The following CERS6 variants were observed in gnomAD, a reference collection of about 807,000 sequenced individuals.
CERS6 encodes the protein LAG1 homolog, ceramide synthase 6.
CERS6 carries 26 observed loss-of-function variants against 56.8 expected under a neutral mutation model. The observed-to-expected ratio is 0.46, with a 90% CI of 0.34 to 0.63. The LOEUF (loss-of-function observed/expected upper bound fraction) is 0.63, where lower values mean the gene tolerates loss of function less well. CERS6 is among the 30% of genes least tolerant of loss of function. CERS6 has a pLI of 0.01. For synonymous variants in CERS6, 164 were observed against 173.3 expected (o/e 0.95, Z 0.42); for missense variants, 415 against 467.5 (o/e 0.89, Z 1.04).
At position 168,640,171 on chromosome 2, in the gene CERS6, C is replaced by T. The variant is rs772352975; in HGVS notation, c.465+9129C>T. Among the ~76,000 whole-genome samples, 4 of 152,204 alleles carry T rather than the reference C, an allele frequency of 2.6e-5. No individual in the cohort carries two copies. In the East Asian group the frequency reaches 5.8e-4, roughly 22 times the overall value. ...CTGGAGTGAGTGCTGGCAATGTTCT[C>T]GATATGGATAGTGATGTAAGTATTT... is the stretch of plus-strand genomic sequence containing the variant. On this transcript the variant is annotated intron_variant, in intron 4 of 9. Transcript: ENST00000305747.
intron 2 of CERS6, among the ~76,000 whole-genome samples, chr2:168,553,723 T>C (rs964610748): frequency 1.3e-5 from 2 of 152,172 alleles, no homozygotes; most frequent in Admixed American, 1.3e-4. Context: ...AGAGATCACT[T>C]GGAATGTTTG....
Position 168,765,742 on chromosome 2 carries a change from A to T in CERS6, c.996A>T (p.Arg332Ser), listed in dbSNP as rs2105466289. 3.1e-6 allele frequency: 5 copies of T among 1,610,320 alleles called. No individual in the cohort carries two copies. The highest frequency in any genetic ancestry group is 2.2e-5 in the East Asian group (1 of 44,826). The change falls in exon 9 of 10, where the codon AGA (arginine) becomes AGT (serine). Residue 332 changes from arginine (R) to serine (S), a missense_variant. Coordinates refer to ENST00000305747, the MANE Select transcript of CERS6 (RefSeq NM_203463.3). ...IVKIACKAVS[R>S]GKVSKDDRSD... ...AAATAGCTTGCAAAGCTGTTTCAAG[A>T]GGCAAGGTAAGCTACAACTCACTTT...
chr2:168,586,951 A>G (rs1683558302), intron 3 of CERS6, among the ~76,000 whole-genome samples: 1 of 152,132 alleles, frequency 6.6e-6, no homozygotes, highest in Admixed American at 6.5e-5. Flanking sequence ...TGGGCGGATT[A>G]CCTGAGGTCA....
At chr2:168,497,998 C>G (rs1435482743) in intron 1 of CERS6, among the ~76,000 whole-genome samples, 1 of 152,090 alleles carries the variant, frequency 6.6e-6, no homozygotes, top group Non-Finnish European at 1.5e-5. Context: ...ACTCCTGATA[C>G]CAAGCCTCCT....
rs571133816 is a variant in CERS6 at position 168,502,262 on chromosome 2, C to T, written c.171-45334C>T. ...TTTGGACCTTCCTATAATTTTGTCT[C>T]GGGGGTTGAAAGAACAATTTTGTTT... On this transcript the variant is annotated intron_variant, in intron 1 of 9. Transcript: ENST00000305747. Among the ~76,000 whole-genome samples, 18 of 151,922 alleles carry T rather than the reference C, an allele frequency of 1.2e-4. No individual in the cohort carries two copies. The East Asian group carries it at 2.7e-3, about 23-fold the overall frequency.
intron 1 of CERS6, among the ~76,000 whole-genome samples, chr2:168,461,107 T>C (rs2105316605): frequency 6.6e-6 from 1 of 152,252 alleles, no homozygotes; most frequent in South Asian, 2.1e-4. Context: ...TGAAGGAATT[T>C]GTTCCTCAGT....
rs183968978 is a variant in CERS6 at position 168,597,516 on chromosome 2, G to A, written c.408-33469G>A. Reference sequence around the variant, plus strand: ...GTCTGCCTTACAGGGTCATTCTCAGGGTATGCTTAAGATATTGCCGTCAGG... The same window carrying A: ...GTCTGCCTTACAGGGTCATTCTCAGAGTATGCTTAAGATATTGCCGTCAGG... On this transcript the variant is annotated intron_variant, in intron 3 of 9. Transcript: ENST00000305747. Among the ~76,000 whole-genome samples, 4 of 152,122 alleles carry A rather than the reference G, an allele frequency of 2.6e-5. No individual in the cohort carries two copies. In the East Asian group the frequency reaches 7.7e-4, roughly 29 times the overall value.
In CERS6 at chr2:168,614,304, T is replaced by C. The variant is rs1293404846; in HGVS notation, c.408-16681T>C. 5.9e-5 allele frequency among the ~76,000 whole-genome samples: 9 copies of C among 152,362 alleles called. No homozygotes were observed. The East Asian group carries it at 1.5e-3, about 26-fold the overall frequency. On this transcript the variant is annotated intron_variant, in intron 3 of 9. Coordinates refer to ENST00000305747, the MANE Select transcript of CERS6 (RefSeq NM_203463.3). ...ATACATATGCATATGTGTGAACATA[T>C]ACACATGTATAAACATCTGTGTCTA...
At chr2:168,678,984 G>A (rs1305485775) in intron 4 of CERS6, among the ~76,000 whole-genome samples, 1 of 152,138 alleles carries the variant, frequency 6.6e-6, no homozygotes, top group African/African-American at 2.4e-5. Context: ...ATACACAATG[G>A]AATCCTATTT....
At chr2:168,602,315 GAT>G (rs1683952997) in intron 3 of CERS6, among the ~76,000 whole-genome samples, 1 of 152,168 alleles carries the variant, frequency 6.6e-6, no homozygotes, top group South Asian at 2.1e-4. Context: ...CTAAGATAAA[GAT>G]ACATGAAATA....
intron 9 of CERS6, among the ~76,000 whole-genome samples, chr2:168,768,043 A>G (rs1352393353): frequency 6.6e-6 from 1 of 152,200 alleles, no homozygotes; most frequent in Non-Finnish European, 1.5e-5. Context: ...TTTTTATCTT[A>G]AAAGCAGTAT....
At chr2:168,484,627 G>C (rs1694242838) in intron 1 of CERS6, among the ~76,000 whole-genome samples, 1 of 152,122 alleles carries the variant, frequency 6.6e-6, no homozygotes, top group Non-Finnish European at 1.5e-5. Context: ...TGGAAATGCT[G>C]AACTGCTTGT....
chr2:168,678,012 T>G (rs1686109031), intron 4 of CERS6, among the ~76,000 whole-genome samples: 1 of 152,186 alleles, frequency 6.6e-6, no homozygotes, highest in Non-Finnish European at 1.5e-5. Context: ...TCATGCCAGT[T>G]AGAATGGCAA....
chr2:168,597,877 C>T (rs557977004), intron 3 of CERS6, among the ~76,000 whole-genome samples: 61 of 152,268 alleles, frequency 4.0e-4, no homozygotes, highest in African/African-American at 1.2e-3. Flanking sequence ...TCTTCCCTCC[C>T]GTCTAAATTG....
chr2:168,580,355 C>A (rs1324084877), intron 3 of CERS6, among the ~76,000 whole-genome samples: 5 of 152,030 alleles, frequency 3.3e-5, no homozygotes, highest in Admixed American at 3.3e-4. Context: ...ATTATAGACT[C>A]AATTTTTAGT....
intron 4 of CERS6, among the ~76,000 whole-genome samples, chr2:168,688,813 G>A (rs1384235275): frequency 6.6e-6 from 1 of 152,124 alleles, no homozygotes; most frequent in Non-Finnish European, 1.5e-5. Context: ...CCCAAAAAGA[G>A]GCAGACACTT....
chr2:168,606,529 G>A (rs929804441), intron 3 of CERS6: 1 of 152,146 alleles, frequency 6.6e-6, no homozygotes, highest in Non-Finnish European at 1.5e-5. Flanking sequence ...AGGCTCATAG[G>A]GAGAAGGAAT....
At chr2:168,594,344 G>C (rs1683744327) in intron 3 of CERS6, among the ~76,000 whole-genome samples, 1 of 152,020 alleles carries the variant, frequency 6.6e-6, no homozygotes, top group South Asian at 2.1e-4. Flanking sequence ...TAGCACTTTG[G>C]GAGGCTAAGG....
chr2:168,476,682 A>G (rs939488209), intron 1 of CERS6, among the ~76,000 whole-genome samples: 1 of 152,102 alleles, frequency 6.6e-6, no homozygotes, highest in Non-Finnish European at 1.5e-5. Flanking sequence ...TGGAGTCCCA[A>G]GGCTGGAGAG....
Sources: gnomAD v4.1 joint callset for allele counts (sites outside exome capture counted in the v4.1 genomes callset) on GRCh38, gnomAD v4.1.1 for gene constraint, MANE v1.5 for transcripts, NCBI Gene and HGNC (gene_info 2026-07-23, HGNC 2026-07-21) for gene names.